LHFPL2: variants seen among roughly 807,000 people sequenced by gnomAD.
LHFPL2 encodes LHFPL tetraspan subfamily member 2 protein.
In LHFPL2, 7 loss-of-function variants were observed where a neutral mutation model predicts 17.5. The observed-to-expected ratio is 0.40, with a 90% CI of 0.23 to 0.75. LHFPL2 has a LOEUF of 0.75. Among genes scored for constraint, LHFPL2 ranks in the 30% least tolerant of loss-of-function variants. The probability of loss-of-function intolerance (pLI) is 0.37; values close to 1 mark genes in which losing one functional copy is unlikely to be tolerated. For synonymous variants in LHFPL2, 134 were observed against 116.2 expected (o/e 1.15, Z -0.99); for missense variants, 241 against 294.8 (o/e 0.82, Z 1.34).
intron 2 of LHFPL2, among the ~76,000 whole-genome samples, chr5:78,596,875 C>T (rs1391697144): frequency 6.6e-6 from 1 of 152,020 alleles, no homozygotes; most frequent in Non-Finnish European, 1.5e-5. Context: ...TGCCTTCTTC[C>T]CATTAAACAA....
chr5:78,587,993 G>A (rs1226781338), intron 2 of LHFPL2, among the ~76,000 whole-genome samples: 1 of 152,182 alleles, frequency 6.6e-6, no homozygotes, highest in Non-Finnish European at 1.5e-5. Context: ...CAGAATCGCA[G>A]GAGACATGAG....
chr5:78,515,725 G>A (rs1027993976), intron 3 of LHFPL2, among the ~76,000 whole-genome samples: 1 of 152,148 alleles, frequency 6.6e-6, no homozygotes, highest in Non-Finnish European at 1.5e-5. Flanking sequence ...CTTTTTGGAT[G>A]GTGCCAGAAT....
chr5:78,506,863 TTC>T (rs1411257833), intron 4 of LHFPL2, among the ~76,000 whole-genome samples: 2 of 152,318 alleles, frequency 1.3e-5, no homozygotes, highest in African/African-American at 2.4e-5. Flanking sequence ...CAATTTAAAA[TTC>T]TGAGTAATTT....
chr5:78,534,130 C>T (rs1050497114), intron 3 of LHFPL2, among the ~76,000 whole-genome samples: 1 of 152,184 alleles, frequency 6.6e-6, no homozygotes. Context: ...GGGTACATGT[C>T]GGAGGCTCTC....
intron 4 of LHFPL2, among the ~76,000 whole-genome samples, chr5:78,505,887 G>A (rs1754917518): frequency 6.6e-6 from 1 of 152,164 alleles, no homozygotes; most frequent in African/African-American, 2.4e-5. Flanking sequence ...CTATTGTTAT[G>A]CCCATTTTAC....
At chr5:78,625,422 T>G (rs1745000984) in intron 2 of LHFPL2, 1 of 152,160 alleles carries the variant, frequency 6.6e-6, no homozygotes. Context: ...ATCGTCCAAC[T>G]TCAGAGGGCA....
intron 3 of LHFPL2, among the ~76,000 whole-genome samples, chr5:78,523,586 GA>G (rs914029484): frequency 1.3e-5 from 2 of 152,166 alleles, no homozygotes; most frequent in Admixed American, 1.3e-4. Flanking sequence ...AATGAGGGGG[GA>G]TGGTCCTAGA....
chr5:78,488,787 G>T lies in LHFPL2; in HGVS notation c.*110C>A. On this transcript the variant is annotated 3_prime_UTR_variant, in exon 5 of 5. Transcript: ENST00000380345. ...GGTCCTGTTTAAGCCTCGGGCCGTGGAACGTGGCTTTGGTAGGTAAAGGTT... is the reference window on the plus strand; with the variant it reads ...GGTCCTGTTTAAGCCTCGGGCCGTGTAACGTGGCTTTGGTAGGTAAAGGTT... 1.5e-6 allele frequency: 2 copies of T among 1,291,210 alleles called. No individual in the cohort carries two copies. Among genetic ancestry groups the T allele is most frequent in the Non-Finnish European group, 2.2e-6 (2 of 922,988 alleles). 80.0% of individuals were successfully genotyped at this position (1,291,210 alleles called of 1,614,324 possible). A position where few individuals can be genotyped will look rare whatever the true frequency, so the allele number is the denominator to read the frequency against.
intron 3 of LHFPL2, among the ~76,000 whole-genome samples, chr5:78,561,655 G>A (rs781490061): frequency 2.0e-5 from 3 of 152,092 alleles, no homozygotes; most frequent in Admixed American, 6.6e-5. Context: ...TCTGATTCTC[G>A]GCTTCCCTTC....
At chr5:78,537,055 C>T (rs1755970109) in intron 3 of LHFPL2, among the ~76,000 whole-genome samples, 1 of 152,162 alleles carries the variant, frequency 6.6e-6, no homozygotes, top group Admixed American at 6.5e-5. Flanking sequence ...AAGTTCAGAC[C>T]CCAACCCAGA....
intron 2 of LHFPL2, among the ~76,000 whole-genome samples, chr5:78,570,625 A>C (rs1249425540): frequency 6.8e-6 from 1 of 147,064 alleles, no homozygotes; most frequent in Non-Finnish European, 1.5e-5. Context: ...ATATATACGT[A>C]TATATATAGT....
intron 3 of LHFPL2, among the ~76,000 whole-genome samples, chr5:78,550,304 G>A: frequency 6.6e-6 from 1 of 152,192 alleles, no homozygotes. Context: ...TAATACTCTA[G>A]TCATGAGAAC....
chr5:78,584,392 T>C (rs985592918), intron 2 of LHFPL2, among the ~76,000 whole-genome samples: 4 of 152,174 alleles, frequency 2.6e-5, no homozygotes, highest in Non-Finnish European at 4.4e-5. Context: ...TTCTGCTCTG[T>C]TTTTTCCCCA....
At chr5:78,599,136 T>C (rs1743920688) in intron 2 of LHFPL2, among the ~76,000 whole-genome samples, 1 of 152,112 alleles carries the variant, frequency 6.6e-6, no homozygotes, top group South Asian at 2.1e-4. Flanking sequence ...GGCTCAGCCG[T>C]ACTGTTTTAT....
At chr5:78,533,738 T>C (rs1755856281) in intron 3 of LHFPL2, among the ~76,000 whole-genome samples, 1 of 152,236 alleles carries the variant, frequency 6.6e-6, no homozygotes, top group Non-Finnish European at 1.5e-5. Flanking sequence ...GAAAAAGAAC[T>C]CTGCCAAGCA....
At chr5:78,635,053 G>A (rs1342885378) in intron 1 of LHFPL2, among the ~76,000 whole-genome samples, 10 of 152,164 alleles carry the variant, frequency 6.6e-5, no homozygotes, top group Admixed American at 2.6e-4. Flanking sequence ...CCAGAGTTCT[G>A]GTCCCTCGGG....
At chr5:78,498,528 A>G (rs764892590) in intron 4 of LHFPL2, among the ~76,000 whole-genome samples, 1 of 152,162 alleles carries the variant, frequency 6.6e-6, no homozygotes, top group Non-Finnish European at 1.5e-5. Context: ...TTTCTCTTTT[A>G]CAATATCCTA....
chr5:78,524,410 C>T (rs1013395232), intron 3 of LHFPL2, among the ~76,000 whole-genome samples: 1 of 152,178 alleles, frequency 6.6e-6, no homozygotes, highest in African/African-American at 2.4e-5. Context: ...ATGTCATGCT[C>T]TGTTCCAACA....
chr5:78,645,080 T>A (rs1443366287), intron 1 of LHFPL2, among the ~76,000 whole-genome samples: 4 of 152,146 alleles, frequency 2.6e-5, no homozygotes, highest in African/African-American at 9.7e-5. Context: ...CCCACAGGAC[T>A]AGCCATACCC....
Sources: allele counts gnomAD v4.1 joint callset (sites outside exome capture counted in the v4.1 genomes callset), GRCh38; gene constraint gnomAD v4.1.1; transcripts MANE v1.5; gene names NCBI Gene and HGNC (gene_info 2026-07-23, HGNC 2026-07-21).